CCDC172: variants seen among roughly 807,000 people sequenced by gnomAD.
CCDC172 encodes the protein coiled-coil domain containing 172.
CCDC172 carries 30 observed loss-of-function variants against 38.0 expected under a neutral mutation model. The observed-to-expected ratio is 0.79, with a 90% CI of 0.59 to 1.07. The LOEUF (loss-of-function observed/expected upper bound fraction) is 1.07. Ranked by LOEUF, CCDC172 falls within the 50% of genes least tolerant of loss-of-function variation. CCDC172 has a pLI of 0.00. For synonymous variants in CCDC172, 78 were observed against 88.3 expected, an observed-to-expected ratio of 0.88 and a Z score of 0.66; for missense variants, 297 against 290.1, an observed-to-expected ratio of 1.02 and a Z score of -0.17.
intron 3 of CCDC172, among the ~76,000 whole-genome samples, chr10:116,337,833 A>G (rs1844749587): frequency 1.3e-5 from 2 of 152,174 alleles, no homozygotes; most frequent in Non-Finnish European, 2.9e-5. Flanking sequence ...TTTTGATCCT[A>G]TCAATACATT....
At chr10:116,356,833 C>T (rs1781346395) in intron 5 of CCDC172, among the ~76,000 whole-genome samples, 1 of 152,110 alleles carries the variant, frequency 6.6e-6, no homozygotes, top group African/African-American at 2.4e-5. Flanking sequence ...CTTTATTTCA[C>T]TAAGTGATAT....
intron 3 of CCDC172, among the ~76,000 whole-genome samples, chr10:116,326,998 G>A (rs1401920049): frequency 6.6e-6 from 1 of 152,140 alleles, no homozygotes; most frequent in East Asian, 1.9e-4. Context: ...AAGGAATTAA[G>A]ACACTTTCAG....
chr10:116,377,246 T>C (rs1275242701), intron 7 of CCDC172, among the ~76,000 whole-genome samples: 2 of 152,206 alleles, frequency 1.3e-5, no homozygotes, highest in Admixed American at 6.5e-5. Flanking sequence ...TAATTTCTTA[T>C]AGTCATAATT....
chr10:116,332,312 C>T (rs1844672976), intron 3 of CCDC172, among the ~76,000 whole-genome samples: 1 of 151,994 alleles, frequency 6.6e-6, no homozygotes, highest in Non-Finnish European at 1.5e-5. Flanking sequence ...GAAAGTAAGT[C>T]CTTTCTACTT....
chr10:116,379,286 CT>C (rs768368794), intron 8 of CCDC172, 36 bp from the exon 9 acceptor site: 1 of 1,361,364 alleles, frequency 7.3e-7, no homozygotes, highest in Non-Finnish European at 1.0e-6. Context: ...TAAGAATTTA[CT>C]TTTCCTCATG....
intron 5 of CCDC172, among the ~76,000 whole-genome samples, chr10:116,343,088 T>G (rs1565714969): frequency 1.3e-5 from 2 of 152,150 alleles, no homozygotes; most frequent in East Asian, 3.9e-4. Flanking sequence ...ATTAAAGCAG[T>G]TGCCAAGTAG....
intron 4 of CCDC172, among the ~76,000 whole-genome samples, chr10:116,341,147 A>G (rs540988690): frequency 1.3e-5 from 2 of 152,146 alleles, no homozygotes; most frequent in East Asian, 3.9e-4. Context: ...TCGTTTTGAA[A>G]GGCAGAAAGT....
intron 7 of CCDC172, among the ~76,000 whole-genome samples, chr10:116,369,433 C>T (rs1845160754): frequency 6.6e-6 from 1 of 151,940 alleles, no homozygotes; most frequent in Non-Finnish European, 1.5e-5. Flanking sequence ...ATTATATATT[C>T]TCATATCCCT....
At chr10:116,366,466 T>A (rs1466837683) in intron 7 of CCDC172, among the ~76,000 whole-genome samples, 1 of 152,232 alleles carries the variant, frequency 6.6e-6, no homozygotes, top group Non-Finnish European at 1.5e-5. Flanking sequence ...TGGTTATTTG[T>A]ATTTGTTTTT....
intron 7 of CCDC172, among the ~76,000 whole-genome samples, chr10:116,365,641 G>C (rs1006138100): frequency 7.2e-5 from 11 of 152,110 alleles, no homozygotes; most frequent in Admixed American, 3.3e-4. Context: ...TCCTTATTAA[G>C]CATTCCTTTA....
Position 116,328,365 on chromosome 10 carries a change from T to C in CCDC172, c.165+2977T>C, listed in dbSNP as rs984401901. On this transcript the variant is annotated intron_variant, in intron 3 of 8. Transcript: ENST00000333254. ...CATGCTTACCAATACATCCAAAACT[T>C]CTGATAGTTAAGGAAAAGTTGTATA... is the stretch of plus-strand genomic sequence containing the variant. Among the ~76,000 whole-genome samples, 3 of 152,228 alleles carry C rather than the reference T, an allele frequency of 2.0e-5. No individual in the cohort carries two copies. In the East Asian group the frequency reaches 5.8e-4, roughly 29 times the overall value.
intron 3 of CCDC172, among the ~76,000 whole-genome samples, chr10:116,333,254 A>G (rs1227132301): frequency 1.3e-5 from 2 of 152,134 alleles, no homozygotes; most frequent in African/African-American, 4.8e-5. Context: ...CTATAAATAC[A>G]ATATATAAAT....
At chr10:116,351,566 A>G (rs1052155037) in intron 5 of CCDC172, among the ~76,000 whole-genome samples, 12 of 152,218 alleles carry the variant, frequency 7.9e-5, no homozygotes, top group Non-Finnish European at 1.5e-4. Flanking sequence ...TCTAATGTGG[A>G]AGAGAGACAA....
At chr10:116,325,161 T>C in intron 2 of CCDC172, 71 bp downstream of exon 2, 1 of 1,551,092 alleles carries the variant, frequency 6.4e-7, no homozygotes, top group Non-Finnish European at 8.9e-7. Context: ...CAGAAGGAAA[T>C]CCCGAAGGCA....
chr10:116,351,947 C>G (rs909011801), intron 5 of CCDC172, among the ~76,000 whole-genome samples: 5 of 152,112 alleles, frequency 3.3e-5, no homozygotes, highest in Middle Eastern at 3.2e-3. Context: ...AGAAAAAGCT[C>G]TGGAAATCTG....
intron 7 of CCDC172, among the ~76,000 whole-genome samples, chr10:116,365,959 A>G (rs1845118511): frequency 6.6e-6 from 1 of 152,158 alleles, no homozygotes; most frequent in Non-Finnish European, 1.5e-5. Context: ...AGGTTTGTGT[A>G]AGTTCACTCT....
intron 7 of CCDC172, among the ~76,000 whole-genome samples, chr10:116,368,955 C>T (rs932420110): frequency 6.6e-6 from 1 of 151,648 alleles, no homozygotes; most frequent in Non-Finnish European, 1.5e-5. Context: ...CTAAATCCTA[C>T]AAATATCACA....
intron 7 of CCDC172, among the ~76,000 whole-genome samples, chr10:116,372,831 T>C (rs1453820508): frequency 1.3e-5 from 2 of 152,244 alleles, no homozygotes; most frequent in East Asian, 1.9e-4. Context: ...ATAATAACTA[T>C]AGAAGACTTC....
At position 116,325,367 on chromosome 10, in the gene CCDC172, G is replaced by GA. The variant is rs1354891971; in HGVS notation, c.148dup (p.Ile50AsnfsTer6). 6.2e-7 allele frequency: 1 copy of GA among 1,613,758 alleles called. No individual in the cohort carries two copies. Among genetic ancestry groups the GA allele is most frequent in the Admixed American group, 1.7e-5 (1 of 59,980 alleles). On this transcript the variant is annotated frameshift_variant, in exon 3 of 9. Transcript: ENST00000333254. LOFTEE classifies it high-confidence loss of function. The stretch of plus-strand genomic sequence containing the variant: ...AAGCAACGGAGGAGCTGAATGAAGA[G>GA]AAAATCAAGCTGGAATCTAAGGTAT...
Sources: allele counts gnomAD v4.1 joint callset (sites outside exome capture counted in the v4.1 genomes callset), GRCh38; gene constraint gnomAD v4.1.1; transcripts MANE v1.5; gene names NCBI Gene and HGNC (gene_info 2026-07-23, HGNC 2026-07-21).